Variants in CEP350 observed in about 807,000 individuals in gnomAD.
The protein encoded by CEP350 is centrosomal protein 350, also known as centrosome-associated protein 350.
Under a neutral mutation model 331.8 loss-of-function variants are expected in CEP350, and 126 were observed. That is an observed-to-expected ratio of 0.38 (90% CI 0.33 to 0.44). The LOEUF is 0.44. CEP350 is among the 20% of genes least tolerant of loss of function. The pLI is 1.00. For missense variants in CEP350, 3,406 were observed against 3,634.6 expected (o/e 0.94, Z 1.62); for synonymous variants, 1,200 against 1,259.5 (o/e 0.95, Z 1.00).
At chr1:180,078,165 A>G (rs1161174618) in intron 28 of CEP350, among the ~76,000 whole-genome samples, 5 of 152,030 alleles carry the variant, frequency 3.3e-5, no homozygotes, top group African/African-American at 1.2e-4. Context: ...AAGAACAAGG[A>G]CCAAAAAGCA....
intron 30 of CEP350, among the ~76,000 whole-genome samples, chr1:180,081,648 T>C (rs953643046): frequency 1.3e-5 from 2 of 152,338 alleles, no homozygotes; most frequent in Middle Eastern, 3.4e-3. Context: ...TCAGGACATA[T>C]GGTATAGCCT....
In CEP350 at chr1:180,078,614, A is replaced by G; in HGVS notation, c.5919A>G (p.Ile1973Met). ...AGCCAGGGAGTCCAGATCACAGTAT[A>G]CTTACTGAAGAAATGATTTGTTCAC... ...QEQPGSPDHSILTEEMICSQE... is the reference protein window; with the variant it reads ...QEQPGSPDHSMLTEEMICSQE... Residue 1973 changes from isoleucine (I) to methionine (M), a missense_variant, in exon 29 of 38, where the codon ATA becomes ATG. Physicochemically the swap from Ile to Met is conservative, Grantham distance 10. This residue lies in a region of CEP350 where 1,415 missense variants were observed against 1,512.3 expected (regional missense o/e 0.94). Transcript: ENST00000367607. The G allele has an allele frequency of 6.2e-7, 1 of 1,612,992 alleles. No individual in the cohort carries two copies. Among genetic ancestry groups the G allele is most frequent in the Non-Finnish European group, 8.5e-7 (1 of 1,179,380 alleles).
chr1:180,057,881 G>C (rs972102937), intron 25 of CEP350, among the ~76,000 whole-genome samples: 1 of 152,162 alleles, frequency 6.6e-6, no homozygotes. Context: ...TTTCTGCCCT[G>C]CTTTTGAGAC....
rs1225547077 is a variant in CEP350, at chr1:180,093,072, C to T, written c.6967C>T (p.His2323Tyr). The change falls in exon 34 of 38, where the codon CAT becomes TAT. Residue 2323 changes from histidine to tyrosine, a missense_variant. Transcript: ENST00000367607. ...AGTTGGATTAGCTATTGAAAATCTC[C>T]ATAAAAGTGAGGAAATGTTGAAAGA... is the stretch of plus-strand genomic sequence containing the variant. The part of the protein sequence containing the change: ...DLVGLAIENL[H>Y]KSEEMLKERQ... 3 of 1,605,370 alleles carry T rather than the reference C, an allele frequency of 1.9e-6. No homozygotes were observed. The highest frequency in any genetic ancestry group is 2.2e-5 in the East Asian group (1 of 44,784).
intron 1 of CEP350, among the ~76,000 whole-genome samples, chr1:179,962,660 G>A (rs187148421): frequency 6.1e-4 from 93 of 152,120 alleles, no homozygotes; most frequent in African/African-American, 2.0e-3. Flanking sequence ...TGCCCACCTC[G>A]GCCTCCCAAA....
At chr1:179,972,345 A>G (rs969779869) in intron 1 of CEP350, among the ~76,000 whole-genome samples, 21 of 152,280 alleles carry the variant, frequency 1.4e-4, no homozygotes, top group African/African-American at 4.8e-4. Context: ...GAGAAAGACT[A>G]GCTAGTAAAG....
chr1:180,020,150 A>G lies in CEP350; in HGVS notation c.2376A>G (p.Leu792=), dbSNP rs745760660. The G allele has an allele frequency of 6.2e-7, 1 of 1,614,032 alleles. No homozygotes were observed. Among genetic ancestry groups the G allele is most frequent in the South Asian group, 1.1e-5 (1 of 91,090 alleles). ...RKNHNMASRP[L]TFTPQPYVTS... ...ATCATAATATGGCTTCAAGGCCATT[A>G]ACTTTTACACCTCAACCATATGTGA... is the stretch of plus-strand genomic sequence containing the variant. Residue 792 remains leucine, a synonymous_variant, in exon 12 of 38, where the codon TTA becomes TTG. Transcript: ENST00000367607.
chr1:180,074,964 A>C, intron 27 of CEP350, 58 bp from the exon 28 acceptor site: 1 of 1,431,202 alleles, frequency 7.0e-7, no homozygotes, highest in Non-Finnish European at 9.4e-7. Flanking sequence ...AGAGCTCTCA[A>C]AGTGATCTCT....
intron 27 of CEP350, 64 bp downstream of exon 27, chr1:180,065,336 T>C: frequency 1.4e-6 from 2 of 1,446,594 alleles, no homozygotes; most frequent in Non-Finnish European, 1.8e-6. Flanking sequence ...AAATAACATT[T>C]GTAATAATAC....
Position 179,992,127 on chromosome 1 carries a change from G to T in CEP350, c.301G>T (p.Glu101Ter). 6.4e-7 allele frequency: 1 copy of T among 1,551,216 alleles called. No homozygotes were observed. Among genetic ancestry groups the T allele is most frequent in the South Asian group, 1.2e-5 (1 of 81,482 alleles). Reference sequence around the variant, plus strand: ...CTCCAAATCCACTAAATCACGAAAAGAGAAATCTCGTAGTCCTCTCAGGGC... The same window carrying T: ...CTCCAAATCCACTAAATCACGAAAATAGAAATCTCGTAGTCCTCTCAGGGC... ...PISKSTKSRK[E>*]KSRSPLRATT... The change falls in exon 5 of 38, where the codon GAG becomes TAG. Residue 101 changes from glutamate to a stop codon, truncating the protein, a stop_gained. Transcript: ENST00000367607. LOFTEE classifies it high-confidence loss of function.
chr1:180,017,279 T>C (rs901538336), intron 11 of CEP350, among the ~76,000 whole-genome samples: 1 of 152,210 alleles, frequency 6.6e-6, no homozygotes, highest in Non-Finnish European at 1.5e-5. Flanking sequence ...ATGTTTCATA[T>C]GATTTGCTTA....
At chr1:179,968,942 T>C (rs1651225890) in intron 1 of CEP350, 1 of 757,590 alleles carries the variant, frequency 1.3e-6, no homozygotes, top group Admixed American at 1.7e-5. Context: ...GCCACTCCAA[T>C]TGCTGACTGC....
In CEP350 at chr1:179,954,916, G is replaced by C. The variant is rs1225924890; in HGVS notation, c.-240G>C. The C allele has an allele frequency of 1.5e-6, 1 of 671,534 alleles. No homozygotes were observed. The highest frequency in any genetic ancestry group is 1.9e-5 in the African/African-American group (1 of 52,826). 41.6% of individuals were successfully genotyped at this position (671,534 alleles called of 1,614,324 possible). A position where few individuals can be genotyped will look rare whatever the true frequency, so the allele number is the denominator to read the frequency against. On this transcript the variant is annotated 5_prime_UTR_variant, in exon 1 of 38. Transcript: ENST00000367607. ...AGAGAACTGCAGGGAGCCGCAGCTC[G>C]GGGGGTGGCTTGCCCTGAGGGAGGG...
rs1460289988 is a variant in CEP350, at chr1:180,050,691, C to CA, written c.4792+1993dup. 5.6e-5 allele frequency among the ~76,000 whole-genome samples: 7 copies of CA among 125,574 alleles called. No individual in the cohort carries two copies. The East Asian group carries it at 1.4e-3, about 25-fold the overall frequency. The allele number at this position is 125,574 out of a possible 152,430, so 82.4% of individuals were successfully genotyped here. A position where few individuals can be genotyped will look rare whatever the true frequency, so the allele number is the denominator to read the frequency against. ...AAAAAACCAAAAAAAAAAAAAAAAA[C>CA]AAAAAAACCTCAATAATAGGAAAAA... is the stretch of plus-strand genomic sequence containing the variant. On this transcript the variant is annotated intron_variant, in intron 22 of 37. Transcript: ENST00000367607.
chr1:180,004,570 T>C (rs1420839437), intron 7 of CEP350, among the ~76,000 whole-genome samples: 1 of 152,234 alleles, frequency 6.6e-6, no homozygotes, highest in Non-Finnish European at 1.5e-5. Context: ...AAAGTTGCCT[T>C]ATGCTCATTG....
chr1:180,038,844 T>C (rs933234287), intron 17 of CEP350, among the ~76,000 whole-genome samples: 3 of 152,208 alleles, frequency 2.0e-5, no homozygotes, highest in Admixed American at 1.3e-4. Context: ...CTGTGTCTTT[T>C]GAGGAATAGA....
chr1:180,064,614 T>G (rs982024662), intron 26 of CEP350, among the ~76,000 whole-genome samples: 4 of 152,208 alleles, frequency 2.6e-5, no homozygotes, highest in Non-Finnish European at 4.4e-5. Context: ...CTTTACAAAC[T>G]TTTTTAATTT....
chr1:180,047,142 A>C (rs912693831), intron 21 of CEP350, among the ~76,000 whole-genome samples: 2 of 152,160 alleles, frequency 1.3e-5, no homozygotes, highest in Non-Finnish European at 2.9e-5. Flanking sequence ...CTGATTCTTG[A>C]ATTCCATAGG....
At chr1:180,074,047 C>G (rs1341320998) in intron 27 of CEP350, 2 of 699,026 alleles carry the variant, frequency 2.9e-6, no homozygotes, top group South Asian at 1.9e-5. Context: ...TAAATTTTAC[C>G]TTTTGTTTCC....
Sources: gnomAD v4.1 joint callset for allele counts (sites outside exome capture counted in the v4.1 genomes callset) on GRCh38, gnomAD v4.1.1 for gene constraint, gnomAD v4.1.1 regional missense constraint, MANE v1.5 for transcripts, NCBI Gene and HGNC (gene_info 2026-07-23, HGNC 2026-07-21) for gene names.